The following EEF2 variants were observed in gnomAD, a reference collection of about 807,000 sequenced individuals.
EEF2 encodes eukaryotic translation elongation factor 2, also known as elongation factor 2.
A neutral mutation model predicts 85.3 loss-of-function variants in EEF2; 21 were observed. That is an observed-to-expected ratio of 0.25 (90% CI 0.17 to 0.35). The LOEUF is 0.35. Among genes scored for constraint, EEF2 ranks in the 10% least tolerant of loss-of-function variants. The pLI, the probability that EEF2 is intolerant of heterozygous loss-of-function variation, is 1.00. For synonymous variants in EEF2, 723 were observed against 508.8 expected (o/e 1.42, Z -5.67); for missense variants, 825 against 1,225.3 (o/e 0.67, Z 4.88).
intron 2 of EEF2, 65 bp from the exon 3 acceptor site, chr19:3,983,356 G>C: frequency 6.6e-7 from 1 of 1,524,638 alleles, no homozygotes; most frequent in Non-Finnish European, 8.9e-7. Context: ...AGTCTGGGAT[G>C]CTGTCAGAAG....
chr19:3,982,513 A>G, intron 4 of EEF2, 89 bp from the exon 5 acceptor site: 2 of 1,513,262 alleles, frequency 1.3e-6, no homozygotes, highest in Middle Eastern at 1.7e-4. Context: ...TGGGCCTCAG[A>G]CGCAGGCTTT....
At chr19:3,980,198 C>A (rs141957903) in intron 9 of EEF2, 132 bp from the exon 10 acceptor site, 26 of 1,312,426 alleles carry the variant, frequency 2.0e-5, no homozygotes, top group Non-Finnish European at 2.3e-5. Flanking sequence ...TTCCACAAGG[C>A]CCTGACTGCT....
intron 11 of EEF2, 43 bp downstream of exon 11, chr19:3,979,286 G>C: frequency 6.6e-7 from 1 of 1,520,614 alleles, no homozygotes; most frequent in Non-Finnish European, 9.1e-7. Context: ...GAGGGCAGGT[G>C]TCCGGGGTGG....
intron 1 of EEF2, 183 bp downstream of exon 1, chr19:3,985,195 G>A (rs771496267): frequency 2.2e-5 from 13 of 603,726 alleles, no homozygotes; most frequent in East Asian, 3.5e-5. Context: ...CGGAGAAAGG[G>A]CTCGGTGAAC....
chr19:3,976,423 CG>C lies in EEF2; in HGVS notation c.*130del. 1 of 989,346 alleles carries C rather than the reference CG, an allele frequency of 1.0e-6. No homozygotes were observed. The highest frequency in any genetic ancestry group is 1.5e-6 in the Non-Finnish European group (1 of 683,088). The allele number at this position is 989,346 out of a possible 1,614,324, so 61.3% of individuals were successfully genotyped here. Reference sequence around the variant, plus strand: ...GTTATGGTTGAGTGATGGCACGCAGCGGGCCCCAGAAACCTCTCAGGGGAGC... The same window carrying C: ...GTTATGGTTGAGTGATGGCACGCAGCGGCCCCAGAAACCTCTCAGGGGAGC... On this transcript the variant is annotated 3_prime_UTR_variant, in exon 15 of 15. Coordinates refer to ENST00000309311, the MANE Select transcript of EEF2 (RefSeq NM_001961.4).
rs1355105969 is a variant in EEF2 at position 3,982,930 on chromosome 19, G to A, written c.489C>T (p.Ala163=). 1.2e-6 allele frequency: 2 copies of A among 1,613,260 alleles called. No homozygotes were observed. The highest frequency in any genetic ancestry group is 2.7e-5 in the African/African-American group (2 of 74,926). ...CGGGCTCCAGCTGCAGCTCCAGCAG[G>A]GCGCGGTCCATCTTGTTCATCATCA... ...PVLMMNKMDR[A]LLELQLEPEE... The change falls in exon 4 of 15, where the codon GCC becomes GCT. Residue 163 remains alanine, a synonymous_variant. Coordinates refer to ENST00000309311, the MANE Select transcript of EEF2 (RefSeq NM_001961.4).
chr19:3,980,060 G>T lies in EEF2; in HGVS notation c.1353C>A (p.Ile451=). The change falls in exon 10 of 15, where the codon ATC becomes ATA. Residue 451 remains isoleucine (I), a synonymous_variant. Coordinates refer to ENST00000309311, the MANE Select transcript of EEF2 (RefSeq NM_001961.4). ...DLYLKPIQRT[I]LMMGRYVEPI... ...GCTCCACGTAGCGGCCCATCATCAA[G>T]ATTGTTCTGGAAGAAGCAGAAGGCG... The T allele has an allele frequency of 6.2e-7, 1 of 1,612,748 alleles. No individual in the cohort carries two copies. The highest frequency in any genetic ancestry group is 8.5e-7 in the Non-Finnish European group (1 of 1,179,678).
At chr19:3,978,467 C>A (rs2039703920) in intron 11 of EEF2, among the ~76,000 whole-genome samples, 1 of 152,140 alleles carries the variant, frequency 6.6e-6, no homozygotes, top group Non-Finnish European at 1.5e-5. Context: ...CCCTCCAGAG[C>A]ATTTGTGTTG....
intron 14 of EEF2, 56 bp from the exon 15 acceptor site, chr19:3,976,803 G>GA: frequency 3.4e-6 from 5 of 1,461,360 alleles, no homozygotes; most frequent in Admixed American, 2.5e-5. Flanking sequence ...AGGGCAGAAG[G>GA]AAAGTCCTGT....
At chr19:3,982,097 G>A (rs368121070) in intron 5 of EEF2, 45 bp from the exon 6 acceptor site, 4 of 1,607,832 alleles carry the variant, frequency 2.5e-6, no homozygotes, top group Middle Eastern at 1.7e-4. Context: ...GTCTCCAGGG[G>A]ATGACTTGGG....
At chr19:3,981,868 G>T in intron 6 of EEF2, 79 bp downstream of exon 6, 3 of 1,366,758 alleles carry the variant, frequency 2.2e-6, no homozygotes, top group Middle Eastern at 2.4e-4. Context: ...CCAGTCAGCC[G>T]ACAGGCTACC....
chr19:3,977,096 T>C lies in EEF2; in HGVS notation c.2383+119A>G. The C allele has an allele frequency of 7.0e-7, 1 of 1,423,250 alleles. No individual in the cohort carries two copies. The highest frequency in any genetic ancestry group is 1.3e-5 in the South Asian group (1 of 74,496). The allele number at this position is 1,423,250 out of a possible 1,614,324, so 88.2% of individuals were successfully genotyped here. ...AGCTGTCAGAAACTGGACCACCTGCTCCATCCATCACCTGCTCCCATCAGG... is the reference window on the plus strand; with the variant it reads ...AGCTGTCAGAAACTGGACCACCTGCCCCATCCATCACCTGCTCCCATCAGG... On this transcript the variant is annotated intron_variant, in intron 14 of 14. Transcript: ENST00000309311. This position sits in a 1 kb window ranked among gnomAD's most constrained non-coding sequence, Gnocchi z 5.4.
In EEF2 at chr19:3,980,379, T is replaced by C. The variant is rs79782733; in HGVS notation, c.1346+135A>G. The C allele has an allele frequency of 6.0e-4, 706 of 1,182,032 alleles. 8 individuals are homozygous for C. In the East Asian group the frequency reaches 0.015, roughly 26 times the overall value. The allele number at this position is 1,182,032 out of a possible 1,614,324, so 73.2% of individuals were successfully genotyped here. On this transcript the variant is annotated intron_variant, in intron 9 of 14. Transcript: ENST00000309311. Reference sequence around the variant, plus strand: ...CCCTCACTGGGCTAAGAACAAAAGTTGTGGCTGGCACAAGTATCACCCTAT... The same window carrying C: ...CCCTCACTGGGCTAAGAACAAAAGTCGTGGCTGGCACAAGTATCACCCTAT...
Position 3,977,764 on chromosome 19 carries a change from G to T in EEF2, c.2067+55C>A. On this transcript the variant is annotated intron_variant, in intron 12 of 14. Coordinates refer to ENST00000309311, the MANE Select transcript of EEF2 (RefSeq NM_001961.4). This position sits in a 1 kb window ranked among gnomAD's most constrained non-coding sequence, Gnocchi z 5.4. The stretch of plus-strand genomic sequence containing the variant: ...CTGTCTCGGGAGGCAGGACCATGAG[G>T]TCCCTCTAGAGCCTGGAAACGGGTG... The T allele has an allele frequency of 6.6e-7, 1 of 1,508,108 alleles. No homozygotes were observed. Among genetic ancestry groups the T allele is most frequent in the Non-Finnish European group, 8.9e-7 (1 of 1,128,808 alleles). 93.4% of individuals were successfully genotyped at this position (1,508,108 alleles called of 1,614,324 possible).
At chr19:3,984,032 G>A (rs985048718) in intron 2 of EEF2, 104 bp downstream of exon 2, 11 of 1,229,644 alleles carry the variant, frequency 8.9e-6, no homozygotes, top group Middle Eastern at 2.8e-4. Context: ...GAAACCAGGG[G>A]AAAGAGACGT....
chr19:3,981,671 C>T (rs955027933), intron 6 of EEF2, among the ~76,000 whole-genome samples: 1 of 152,248 alleles, frequency 6.6e-6, no homozygotes, highest in Non-Finnish European at 1.5e-5. Context: ...CTGACTCAGA[C>T]AAGGACCCAA....
intron 7 of EEF2, 45 bp from the exon 8 acceptor site, chr19:3,981,024 G>C (rs775261503): frequency 8.4e-6 from 13 of 1,544,980 alleles, no homozygotes; most frequent in African/African-American, 5.5e-5. Context: ...GGGAGCCCAG[G>C]ATGGCCCCAC....
At chr19:3,983,538 G>A (rs190932442) in intron 2 of EEF2, among the ~76,000 whole-genome samples, 7 of 151,948 alleles carry the variant, frequency 4.6e-5, no homozygotes, top group South Asian at 2.1e-4. Flanking sequence ...CTGCCCCACC[G>A]ACTTGGTCCC....
intron 4 of EEF2, 76 bp from the exon 5 acceptor site, chr19:3,982,500 G>C: frequency 6.4e-7 from 1 of 1,571,714 alleles, no homozygotes; most frequent in Non-Finnish European, 8.7e-7. Context: ...GGCGCCTTGG[G>C]CATGGGCCTC....
Sources: allele counts gnomAD v4.1 joint callset (sites outside exome capture counted in the v4.1 genomes callset), GRCh38; gene constraint gnomAD v4.1.1; non-coding constraint Gnocchi (gnomAD v3.1); transcripts MANE v1.5; gene names NCBI Gene and HGNC (gene_info 2026-07-23, HGNC 2026-07-21).